ING3: variants seen among roughly 807,000 people sequenced by gnomAD.
ING3 encodes the protein inhibitor of growth family member 3, also known as inhibitor of growth protein 3.
A neutral mutation model predicts 64.8 loss-of-function variants in ING3; 6 were observed. The ratio of observed to expected loss-of-function variants is 0.09; its 90% CI spans 0.05 to 0.18. The LOEUF is 0.18. ING3 is among the 10% of genes least tolerant of loss of function. The pLI is 1.00. For synonymous variants in ING3, 170 were observed against 173.7 expected, an observed-to-expected ratio of 0.98 and a Z score of 0.17; for missense variants, 310 against 489.7, an observed-to-expected ratio of 0.63 and a Z score of 3.46.
At chr7:120,953,617 T>C (rs933922595) in intron 3 of ING3, among the ~76,000 whole-genome samples, 22 of 152,254 alleles carry the variant, frequency 1.4e-4, no homozygotes, top group African/African-American at 4.6e-4. Context: ...CAATAATTAC[T>C]GAGTATTAGA....
chr7:120,973,108 C>T, intron 10 of ING3, 97 bp from the exon 11 acceptor site: 3 of 558,830 alleles, frequency 5.4e-6, no homozygotes, highest in East Asian at 4.3e-5. Flanking sequence ...CAGTGTATTT[C>T]CCTTTATTTT....
At chr7:120,969,874 C>T (rs1041173537) in intron 9 of ING3, among the ~76,000 whole-genome samples, 2 of 151,882 alleles carry the variant, frequency 1.3e-5, no homozygotes, top group African/African-American at 4.8e-5. Flanking sequence ...TGAATTAATC[C>T]CTTAAAGAAC....
At chr7:120,961,737 A>T (rs897132504) in intron 4 of ING3, among the ~76,000 whole-genome samples, 2 of 152,226 alleles carry the variant, frequency 1.3e-5, no homozygotes, top group Non-Finnish European at 1.5e-5. Flanking sequence ...GGCTAGAAAA[A>T]TTATAGGAGT....
rs921267363 is a variant in ING3 at position 120,976,595 on chromosome 7, G to A, written c.*1751G>A. ...TTCAATTCGTTTATCAAAGTATATTGCCTGGAAATGCTCACATGTATCATT... is the reference window on the plus strand; with the variant it reads ...TTCAATTCGTTTATCAAAGTATATTACCTGGAAATGCTCACATGTATCATT... On this transcript the variant is annotated 3_prime_UTR_variant, in exon 12 of 12. Coordinates refer to ENST00000315870, the MANE Select transcript of ING3 (RefSeq NM_019071.3). 2 of 152,062 alleles carry A rather than the reference G, an allele frequency of 1.3e-5. No individual in the cohort carries two copies. Among genetic ancestry groups the A allele is most frequent in the African/African-American group, 4.8e-5 (2 of 41,396 alleles). The allele number at this position is 152,062 out of a possible 1,614,324, so 9.4% of individuals were successfully genotyped here.
chr7:120,954,364 T>C (rs1283904886), intron 3 of ING3, among the ~76,000 whole-genome samples: 2 of 151,664 alleles, frequency 1.3e-5, no homozygotes, highest in African/African-American at 4.9e-5. Context: ...AGGTGGAGGT[T>C]GCAGTGAGCC....
At chr7:120,955,289 C>T (rs1247389310) in intron 3 of ING3, among the ~76,000 whole-genome samples, 5 of 152,138 alleles carry the variant, frequency 3.3e-5, no homozygotes, top group South Asian at 2.1e-4. Flanking sequence ...CTACCATGCC[C>T]GGCTAATTTT....
At chr7:120,969,691 G>A (rs370040983) in intron 9 of ING3, among the ~76,000 whole-genome samples, 8 of 151,812 alleles carry the variant, frequency 5.3e-5, no homozygotes, top group East Asian at 1.9e-4. Flanking sequence ...TATGAGACTT[G>A]GGATGACTGT....
intron 1 of ING3, 69 bp downstream of exon 1, chr7:120,950,993 C>A: frequency 6.5e-7 from 1 of 1,528,946 alleles, no homozygotes; most frequent in Non-Finnish European, 9.0e-7. Context: ...AGTGGACGGG[C>A]AGCGAGATGG....
At chr7:120,954,262 C>T (rs986892142) in intron 3 of ING3, among the ~76,000 whole-genome samples, 28 of 151,884 alleles carry the variant, frequency 1.8e-4, no homozygotes, top group African/African-American at 6.8e-4. Context: ...CTCGTCTCTA[C>T]TAAAAATACA....
Position 120,967,971 on chromosome 7 carries a change from T to G in ING3, c.594T>G (p.Asn198Lys), listed in dbSNP as rs1416234768. ...ATAATTCCACAGCCTCTTCTAACAA[T>G]GCCTACAATGTGAATTCCTCCCAAC... ...RNNNSTASSN[N>K]AYNVNSSQPL... The change falls in exon 8 of 12, where the codon AAT becomes AAG. Residue 198 changes from asparagine (N) to lysine (K), a missense_variant. This residue lies in a region of ING3 where 233 missense variants were observed against 289.4 expected (regional missense o/e 0.81). Coordinates refer to ENST00000315870, the MANE Select transcript of ING3 (RefSeq NM_019071.3). 1 of 1,614,132 alleles carries G rather than the reference T, an allele frequency of 6.2e-7. No homozygotes were observed. The highest frequency in any genetic ancestry group is 1.7e-5 in the Admixed American group (1 of 60,020).
At chr7:120,966,872 G>A (rs1335310205) in intron 6 of ING3, among the ~76,000 whole-genome samples, 175 bp downstream of exon 6, 1 of 151,714 alleles carries the variant, frequency 6.6e-6, no homozygotes. Context: ...TATGTGATTC[G>A]GAAATGAGTA....
At position 120,956,637 on chromosome 7, in the gene ING3, G is replaced by A; in HGVS notation, c.267+1013G>A. On this transcript the variant is annotated intron_variant, in intron 4 of 11. Coordinates refer to ENST00000315870, the MANE Select transcript of ING3 (RefSeq NM_019071.3). ...TGAAAAAAATTTCATAAAAGACACTGCCTAAAGATAGGTAGAATAGGCTGT... is the reference window on the plus strand; with the variant it reads ...TGAAAAAAATTTCATAAAAGACACTACCTAAAGATAGGTAGAATAGGCTGT... 4.1e-6 allele frequency: 4 copies of A among 987,520 alleles called. No homozygotes were observed. The South Asian group carries it at 1.4e-4, about 35-fold the overall frequency. The allele number at this position is 987,520 out of a possible 1,614,324, so 61.2% of individuals were successfully genotyped here.
In ING3 at chr7:120,974,927, G is replaced by C; in HGVS notation, c.*83G>C. ...TTTAAAAAGAAGAGAAGAGAAAGAA[G>C]AAACAATGCATTTCCAGGCAACCAC... On this transcript the variant is annotated 3_prime_UTR_variant, in exon 12 of 12. Transcript: ENST00000315870. The C allele has an allele frequency of 1.0e-6, 1 of 958,074 alleles. No homozygotes were observed. Among genetic ancestry groups the C allele is most frequent in the Non-Finnish European group, 1.6e-6 (1 of 640,066 alleles). The allele number at this position is 958,074 out of a possible 1,614,324, so 59.3% of individuals were successfully genotyped here. A position where few individuals can be genotyped will look rare whatever the true frequency, so the allele number is the denominator to read the frequency against.
rs183714258 is a variant in ING3 at position 120,962,056 on chromosome 7, G to A, written c.268-2686G>A. ...ATCAGCTAGAAGAGGTGCTGTAACC[G>A]TTCAGAATCATGTAGGTTGAGGGAA... On this transcript the variant is annotated intron_variant, in intron 4 of 11. Transcript: ENST00000315870. 1.7e-3 allele frequency among the ~76,000 whole-genome samples: 253 copies of A among 152,242 alleles called. 2 individuals carry two copies. Among genetic ancestry groups the A allele is most frequent in the African/African-American group, 5.8e-3 (243 of 41,548 alleles).
Position 120,967,516 on chromosome 7 carries a change from T to C in ING3, c.437-13T>C, listed in dbSNP as rs1280399680. On this transcript the variant is annotated splice_polypyrimidine_tract_variant and intron_variant, in intron 6 of 11. Coordinates refer to ENST00000315870, the MANE Select transcript of ING3 (RefSeq NM_019071.3). ...AAAGTTTAAAAACACATGAATTTTT[T>C]ATTTATATTTAGAAAGGAAATATAA... The C allele has an allele frequency of 8.0e-6, 12 of 1,502,566 alleles. No homozygotes were observed. The Admixed American group carries it at 2.2e-4, about 28-fold the overall frequency. 93.1% of individuals were successfully genotyped at this position (1,502,566 alleles called of 1,614,324 possible). A position where few individuals can be genotyped will look rare whatever the true frequency, so the allele number is the denominator to read the frequency against.
chr7:120,975,691 A>T lies in ING3; in HGVS notation c.*847A>T, dbSNP rs1290060275. 1 of 152,098 alleles carries T rather than the reference A, an allele frequency of 6.6e-6. No individual in the cohort carries two copies. Among genetic ancestry groups the T allele is most frequent in the Non-Finnish European group, 1.5e-5 (1 of 68,004 alleles). 9.4% of individuals were successfully genotyped at this position (152,098 alleles called of 1,614,324 possible). On this transcript the variant is annotated 3_prime_UTR_variant, in exon 12 of 12. Transcript: ENST00000315870. ...TATACTTTACATACTTAATAATGAA[A>T]ATTTCTGAATTCCAATTAACTTTCA...
At chr7:120,971,441 G>A (rs1450294915) in intron 10 of ING3, among the ~76,000 whole-genome samples, 1 of 152,112 alleles carries the variant, frequency 6.6e-6, no homozygotes, top group Non-Finnish European at 1.5e-5. Context: ...TTATAGTCAC[G>A]TTGGGGGTTA....
At position 120,974,960 on chromosome 7, in the gene ING3, A is replaced by C. The variant is rs1426488836; in HGVS notation, c.*116A>C. 4.8e-6 allele frequency: 3 copies of C among 619,206 alleles called. No individual in the cohort carries two copies. In the African/African-American group the frequency reaches 5.6e-5, roughly 12 times the overall value. 38.4% of individuals were successfully genotyped at this position (619,206 alleles called of 1,614,324 possible). On this transcript the variant is annotated 3_prime_UTR_variant, in exon 12 of 12. Transcript: ENST00000315870. The stretch of plus-strand genomic sequence containing the variant: ...GCATTTCCAGGCAACCACTTAAAGG[A>C]TTTACATAGACAATCCTATAAGATC...
chr7:120,968,111 G>A lies in ING3; in HGVS notation c.714+20G>A. On this transcript the variant is annotated intron_variant, in intron 8 of 11. Transcript: ENST00000315870. ...GCTCAGGTAAAAAGTAAAGGGTTTA[G>A]AGACAAAATGTTACATTTTGTCGGA... 1 of 1,599,806 alleles carries A rather than the reference G, an allele frequency of 6.3e-7. No individual in the cohort carries two copies. The highest frequency in any genetic ancestry group is 2.2e-5 in the East Asian group (1 of 44,684).
Sources: gnomAD v4.1 joint callset for allele counts (sites outside exome capture counted in the v4.1 genomes callset) on GRCh38, gnomAD v4.1.1 for gene constraint, gnomAD v4.1.1 regional missense constraint, MANE v1.5 for transcripts, NCBI Gene and HGNC (gene_info 2026-07-23, HGNC 2026-07-21) for gene names.